Variants in CAMTA1 observed in about 807,000 individuals in gnomAD.
CAMTA1 encodes calmodulin binding transcription activator 1.
Under a neutral mutation model 170.9 loss-of-function variants are expected in CAMTA1, and 27 were observed. The observed-to-expected ratio is 0.16, with a 90% CI of 0.12 to 0.22. CAMTA1 has a LOEUF of 0.22. Ranked by LOEUF, CAMTA1 falls within the 10% of genes least tolerant of loss-of-function variation. The pLI, the probability that CAMTA1 is intolerant of heterozygous loss-of-function variation, is 1.00. For missense variants in CAMTA1, 1,619 were observed against 2,217.2 expected, an observed-to-expected ratio of 0.73 and a Z score of 5.42; for synonymous variants, 833 against 891.5, an observed-to-expected ratio of 0.93 and a Z score of 1.17.
chr1:7,420,253 C>G (rs1379583768), intron 5 of CAMTA1, among the ~76,000 whole-genome samples: 3 of 151,926 alleles, frequency 2.0e-5, no homozygotes, highest in African/African-American at 7.2e-5. Flanking sequence ...CACCTCTCCC[C>G]TCTGTCTGGG....
intron 6 of CAMTA1, among the ~76,000 whole-genome samples, chr1:7,616,870 A>G (rs2095562560): frequency 6.6e-6 from 1 of 152,224 alleles, no homozygotes; most frequent in South Asian, 2.1e-4. Flanking sequence ...AGATAAATGG[A>G]GCAAGTTATA....
Position 7,249,722 on chromosome 1 carries a change from C to T in CAMTA1, c.438+96C>T. On this transcript the variant is annotated intron_variant, in intron 5 of 22. Transcript: ENST00000303635. The surrounding 1 kb of genome is among the most constrained non-coding windows in gnomAD (Gnocchi z 4.4). ...TGGAGTAATTTGATGCGAGTCACCT[C>T]TGTCCAAAGAATTTTTGTTTGCCAA... 1 of 1,415,376 alleles carries T rather than the reference C, an allele frequency of 7.1e-7. No homozygotes were observed. Among genetic ancestry groups the T allele is most frequent in the Non-Finnish European group, 9.5e-7 (1 of 1,051,778 alleles). The allele number at this position is 1,415,376 out of a possible 1,614,324, so 87.7% of individuals were successfully genotyped here.
chr1:7,347,345 T>G (rs959796871), intron 5 of CAMTA1, among the ~76,000 whole-genome samples: 2 of 152,094 alleles, frequency 1.3e-5, no homozygotes, highest in East Asian at 1.9e-4. Flanking sequence ...GGTCACAGAG[T>G]GGTCCGGTGC....
At chr1:7,003,812 G>C (rs898910138) in intron 3 of CAMTA1, among the ~76,000 whole-genome samples, 3 of 152,206 alleles carry the variant, frequency 2.0e-5, no homozygotes, top group Non-Finnish European at 4.4e-5. Context: ...AAATCTCCAA[G>C]TTTACGGAAG....
intron 3 of CAMTA1, among the ~76,000 whole-genome samples, chr1:7,055,487 A>C (rs1351226574): frequency 6.6e-6 from 1 of 152,190 alleles, no homozygotes; most frequent in Non-Finnish European, 1.5e-5. Context: ...AGAACACACA[A>C]AAGAGACTCC....
intron 3 of CAMTA1, among the ~76,000 whole-genome samples, chr1:7,026,295 T>C (rs1188781617): frequency 6.6e-6 from 1 of 152,124 alleles, no homozygotes; most frequent in Non-Finnish European, 1.5e-5. Context: ...GGTAGTGGAT[T>C]GCTGCTCAGG....
At chr1:7,440,721 CAG>C (rs1195482280) in intron 5 of CAMTA1, among the ~76,000 whole-genome samples, 26 of 152,214 alleles carry the variant, frequency 1.7e-4, no homozygotes, top group Non-Finnish European at 1.5e-5. Context: ...CCGAGAAAGA[CAG>C]GGGCAGAGGC....
At chr1:7,192,617 G>A (rs921802610) in intron 4 of CAMTA1, among the ~76,000 whole-genome samples, 1 of 152,230 alleles carries the variant, frequency 6.6e-6, no homozygotes, top group Non-Finnish European at 1.5e-5. Context: ...ACCTGCAGGA[G>A]CAGTGATGAT....
chr1:7,479,021 A>AGACG (rs1341588536), intron 6 of CAMTA1, among the ~76,000 whole-genome samples: 1 of 152,196 alleles, frequency 6.6e-6, no homozygotes, highest in Non-Finnish European at 1.5e-5. Context: ...ATGCAGTGGA[A>AGACG]GACGTGGGCG....
At chr1:7,198,727 C>CTTTG (rs1242103741) in intron 4 of CAMTA1, among the ~76,000 whole-genome samples, 4 of 152,032 alleles carry the variant, frequency 2.6e-5, no homozygotes, top group African/African-American at 9.7e-5. Context: ...CCATAGCTTC[C>CTTTG]CTTGTTCCTT....
chr1:7,398,179 CTCTCTCTCT>C (rs2089504928), intron 5 of CAMTA1, among the ~76,000 whole-genome samples: 1 of 43,740 alleles, frequency 2.3e-5, no homozygotes, highest in Admixed American at 3.3e-4. Context: ...CTCTCTCTCT[CTCTCTCTCT>C]CTCTCTATAT....
rs753253257 is a variant in CAMTA1, at chr1:7,173,629, C to A, written c.303-75862C>A. Among the ~76,000 whole-genome samples the A allele has an allele frequency of 6.6e-6, 1 of 152,230 alleles. No individual in the cohort carries two copies. Among genetic ancestry groups the A allele is most frequent in the Non-Finnish European group, 1.5e-5 (1 of 67,994 alleles). ...CTCTTAATTCCTGACCTCAGGTGAT[C>A]CACCCACCTCAGCCTCCCAAAGTGC... On this transcript the variant is annotated intron_variant, in intron 4 of 22. Transcript: ENST00000303635. This position sits in a 1 kb window ranked among gnomAD's most constrained non-coding sequence, Gnocchi z 5.4.
At chr1:7,353,661 T>C (rs1352253081) in intron 5 of CAMTA1, among the ~76,000 whole-genome samples, 1 of 152,140 alleles carries the variant, frequency 6.6e-6, no homozygotes, top group South Asian at 2.1e-4. Flanking sequence ...TGACCTCAGG[T>C]GATCCACCTG....
At chr1:6,935,629 T>C (rs1167010738) in intron 3 of CAMTA1, among the ~76,000 whole-genome samples, 3 of 152,218 alleles carry the variant, frequency 2.0e-5, no homozygotes, top group African/African-American at 7.2e-5. Flanking sequence ...TTTAATTGTC[T>C]AATCCGCCCG....
At chr1:7,029,393 T>G (rs958550198) in intron 3 of CAMTA1, among the ~76,000 whole-genome samples, 30 of 149,980 alleles carry the variant, frequency 2.0e-4, no homozygotes, top group African/African-American at 7.2e-4. Context: ...TCCCAGCTAC[T>G]TGGGAGGCTG....
intron 5 of CAMTA1, among the ~76,000 whole-genome samples, chr1:7,449,769 C>CAAAAA (rs59913060): frequency 6.3e-5 from 5 of 79,568 alleles, no homozygotes; most frequent in Admixed American, 1.5e-4. Flanking sequence ...GACTCGGTCT[C>CAAAAA]AAAAAAAAAA....
intron 3 of CAMTA1, among the ~76,000 whole-genome samples, chr1:7,061,813 G>A (rs1708258892): frequency 6.6e-6 from 1 of 152,116 alleles, no homozygotes; most frequent in Non-Finnish European, 1.5e-5. Flanking sequence ...GCAGAGGAGG[G>A]AGCTGGGAAG....
In CAMTA1 at chr1:7,455,748, T is replaced by A. The variant is rs2092935329; in HGVS notation, c.439-12082T>A. Among the ~76,000 whole-genome samples, 1 of 152,232 alleles carries A rather than the reference T, an allele frequency of 6.6e-6. No homozygotes were observed. Among genetic ancestry groups the A allele is most frequent in the Admixed American group, 6.5e-5 (1 of 15,278 alleles). ...TAACCACAGCCAGGAATCCCGGCAG[T>A]GCCAGCCCCGCAGACGCCTGCCCAC... On this transcript the variant is annotated intron_variant, in intron 5 of 22. Transcript: ENST00000303635. This position sits in a 1 kb window ranked among gnomAD's most constrained non-coding sequence, Gnocchi z 5.0.
chr1:7,359,767 C>T (rs1467824841), intron 5 of CAMTA1, among the ~76,000 whole-genome samples: 2 of 152,146 alleles, frequency 1.3e-5, no homozygotes, highest in African/African-American at 4.8e-5. Flanking sequence ...GTACAGGGTG[C>T]GGTGTTTGCA....
Sources: gnomAD v4.1 joint callset for allele counts (sites outside exome capture counted in the v4.1 genomes callset) on GRCh38, gnomAD v4.1.1 for gene constraint, Gnocchi (gnomAD v3.1) non-coding constraint, MANE v1.5 for transcripts, NCBI Gene and HGNC (gene_info 2026-07-23, HGNC 2026-07-21) for gene names.